EFL1: variants seen among roughly 807,000 people sequenced by gnomAD.
EFL1 encodes the protein elongation factor-like GTPase 1.
In EFL1, 76 loss-of-function variants were observed where a neutral mutation model predicts 126.7. The ratio of observed to expected loss-of-function variants is 0.60; its 90% confidence interval spans 0.50 to 0.73. The LOEUF (loss-of-function observed/expected upper bound fraction) is 0.73, where lower values mean the gene tolerates loss of function less well. Ranked by LOEUF, EFL1 falls within the 30% of genes least tolerant of loss-of-function variation. The pLI is 0.00. For synonymous variants in EFL1, 410 were observed against 448.4 expected (o/e 0.91, Z 1.08); for missense variants, 1,128 against 1,343.2 (o/e 0.84, Z 2.50).
At chr15:82,234,382 G>C (rs867371831) in intron 7 of EFL1, among the ~76,000 whole-genome samples, 2 of 152,132 alleles carry the variant, frequency 1.3e-5, no homozygotes, top group African/African-American at 4.8e-5. Flanking sequence ...GGCCTAGAAA[G>C]GTGATAATGA....
At chr15:82,217,188 C>G (rs1488352806) in intron 14 of EFL1, among the ~76,000 whole-genome samples, 2 of 151,932 alleles carry the variant, frequency 1.3e-5, no homozygotes, top group African/African-American at 4.8e-5. Flanking sequence ...TGTGGAACAA[C>G]TGTAACTGTT....
intron 19 of EFL1, among the ~76,000 whole-genome samples, chr15:82,132,378 C>T (rs139422763): frequency 1.2e-4 from 19 of 152,196 alleles, no homozygotes; most frequent in African/African-American, 1.4e-4. Context: ...TGAGCCTACA[C>T]GTCTTTATCT....
At chr15:82,175,601 G>A (rs901508961) in intron 15 of EFL1, among the ~76,000 whole-genome samples, 1 of 152,022 alleles carries the variant, frequency 6.6e-6, no homozygotes, top group African/African-American at 2.4e-5. Flanking sequence ...GTATTGGCCG[G>A]GTGCAGTGGC....
At position 82,200,724 on chromosome 15, in the gene EFL1, G is replaced by A. The variant is rs150642831; in HGVS notation, c.1750+13993C>T. Among the ~76,000 whole-genome samples the A allele has an allele frequency of 7.0e-3, 1,071 of 152,170 alleles. 14 individuals carry two copies. Among genetic ancestry groups the A allele is most frequent in the African/African-American group, 0.024 (1,017 of 41,512 alleles). On this transcript the variant is annotated intron_variant, in intron 15 of 19. Coordinates refer to ENST00000268206, the MANE Select transcript of EFL1 (RefSeq NM_024580.6). ...CTTGGCTCTGGGAGTTGAATAATCC[G>A]AACACATTAAAACATCACTACTCTG...
rs773373741 is a variant in EFL1 at position 82,228,246 on chromosome 15, T to G, written c.1014A>C (p.Lys338Asn). ...GAREARHSDP[K>N]VQINAICSQW... Reference sequence around the variant, plus strand: ...GACTGCAAATGGCGTTGATCTGAACTTTAGGGTCTGAATGTCGTGCCTCCC... The same window carrying G: ...GACTGCAAATGGCGTTGATCTGAACGTTAGGGTCTGAATGTCGTGCCTCCC... Residue 338 changes from lysine to asparagine, a missense_variant, in exon 10 of 20, where the codon AAA becomes AAC. Around this residue, in one of 6 missense-constraint regions of EFL1, gnomAD observed 316 missense variants for 318.5 expected, o/e 0.99. Transcript: ENST00000268206. 23 of 1,613,994 alleles carry G rather than the reference T, an allele frequency of 1.4e-5. No individual in the cohort carries two copies. The South Asian group carries it at 2.4e-4, about 17-fold the overall frequency.
chr15:82,251,284 A>C (rs1443711070), intron 4 of EFL1, among the ~76,000 whole-genome samples: 8 of 152,236 alleles, frequency 5.3e-5, no homozygotes, highest in African/African-American at 1.7e-4. Context: ...ACAGAGCTCG[A>C]TAAAATAGAG....
At chr15:82,244,990 CTGACAACAAAAA>C (rs1392272146) in intron 4 of EFL1, among the ~76,000 whole-genome samples, 4 of 152,046 alleles carry the variant, frequency 2.6e-5, no homozygotes, top group Non-Finnish European at 4.4e-5. Flanking sequence ...AGTATTTTGC[CTGACAACAAAAA>C]TAACAGAAAT....
chr15:82,173,073 G>T (rs2074153766), intron 15 of EFL1, among the ~76,000 whole-genome samples: 2 of 152,110 alleles, frequency 1.3e-5, no homozygotes, highest in Non-Finnish European at 1.5e-5. Flanking sequence ...GGAAAAAAAT[G>T]TTCAAAAGTA....
chr15:82,195,862 C>T (rs757077144), intron 15 of EFL1, among the ~76,000 whole-genome samples: 5 of 151,984 alleles, frequency 3.3e-5, no homozygotes, highest in Admixed American at 6.5e-5. Context: ...CCAGGAGCTC[C>T]GAGACACTAA....
intron 12 of EFL1, 36 bp downstream of exon 12, chr15:82,225,129 A>G (rs181772306): frequency 2.0e-6 from 3 of 1,525,596 alleles, no homozygotes; most frequent in Non-Finnish European, 9.0e-7. Flanking sequence ...CATACACCAT[A>G]TTCCTAGCCC....
chr15:82,252,743 C>G lies in EFL1; in HGVS notation c.192G>C (p.Gln64His). Residue 64 changes from glutamine to histidine, a missense_variant, in exon 4 of 20, where the codon CAG (glutamine) becomes CAC (histidine). Physicochemically the swap from Gln to His is conservative, Grantham distance 24 (BLOSUM62 0). Transcript: ENST00000268206. ...LRYMDSREDE[Q>H]IRGITMKSSA... is the part of the protein sequence containing the mutation. ...TGGATTTCATAGTGATCCCTCGGAT[C>G]TGTTCATCTTCTCTGCTGTCCATGT... 1 of 1,612,052 alleles carries G rather than the reference C, an allele frequency of 6.2e-7. No individual in the cohort carries two copies. The highest frequency in any genetic ancestry group is 2.2e-5 in the East Asian group (1 of 44,872).
At chr15:82,141,870 AATTG>A (rs1156247883) in intron 18 of EFL1, among the ~76,000 whole-genome samples, 1 of 152,164 alleles carries the variant, frequency 6.6e-6, no homozygotes, top group African/African-American at 2.4e-5. Flanking sequence ...TTAGATCAAT[AATTG>A]TAATTGAAAC....
At chr15:82,183,164 A>G (rs1025574259) in intron 15 of EFL1, among the ~76,000 whole-genome samples, 6 of 152,220 alleles carry the variant, frequency 3.9e-5, no homozygotes, top group African/African-American at 1.4e-4. Flanking sequence ...CTGGCTATAT[A>G]CTCAGCGGCA....
At chr15:82,180,378 AAAAAACAAAC>A (rs1567052933) in intron 15 of EFL1, among the ~76,000 whole-genome samples, 55 of 129,962 alleles carry the variant, frequency 4.2e-4, no homozygotes, top group African/African-American at 1.6e-3. Context: ...AAAAACAAAA[AAAAAACAAAC>A]AAAAAAAACC....
intron 15 of EFL1, among the ~76,000 whole-genome samples, chr15:82,191,461 A>G (rs1389518772): frequency 6.6e-6 from 1 of 152,188 alleles, no homozygotes; most frequent in African/African-American, 2.4e-5. Flanking sequence ...ATCAAATACT[A>G]TAGATAAAAG....
intron 7 of EFL1, among the ~76,000 whole-genome samples, chr15:82,236,992 A>T (rs1212606931): frequency 6.6e-6 from 1 of 152,090 alleles, no homozygotes. Flanking sequence ...GAAACACAAA[A>T]ATTAGCTGGC....
At position 82,252,694 on chromosome 15, in the gene EFL1, T is replaced by C. The variant is rs753130900; in HGVS notation, c.241A>G (p.Thr81Ala). The C allele has an allele frequency of 1.9e-6, 3 of 1,611,688 alleles. No homozygotes were observed. The highest frequency in any genetic ancestry group is 2.2e-5 in the East Asian group (1 of 44,862). The change falls in exon 4 of 20, where the codon ACA (threonine) becomes GCA (alanine). Residue 81 changes from threonine (T) to alanine (A), a missense_variant. By Grantham distance (58) the Thr-to-Ala change is moderately conservative. This residue lies in a region of EFL1 where 118 missense variants were observed against 188.1 expected (regional missense o/e 0.63). Coordinates refer to ENST00000268206, the MANE Select transcript of EFL1 (RefSeq NM_024580.6). The stretch of plus-strand genomic sequence containing the variant: ...GTTAAAACACAGACTGATTTACCTG[T>C]TGCATAATGTAGGGAAATGGCACTG... ...KSSAISLHYATGNEEYLINLI... is the reference protein window; with the variant it reads ...KSSAISLHYAAGNEEYLINLI...
At chr15:82,216,901 G>A (rs2074653326) in intron 14 of EFL1, among the ~76,000 whole-genome samples, 1 of 151,962 alleles carries the variant, frequency 6.6e-6, no homozygotes, top group African/African-American at 2.4e-5. Context: ...CTACACTGGA[G>A]AAGAAATTTG....
At position 82,230,888 on chromosome 15, in the gene EFL1, T is replaced by A. The variant is rs774987651; in HGVS notation, c.815A>T (p.Tyr272Phe). 6.2e-7 allele frequency: 1 copy of A among 1,613,296 alleles called. No individual in the cohort carries two copies. Among genetic ancestry groups the A allele is most frequent in the South Asian group, 1.1e-5 (1 of 90,914 alleles). ...VLMKTLWGDY[Y>F]INMKAKKIMK... ...GATCTTTTTAGCCTTCATATTTATA[T>A]AGTAATCTCCCCACAAGGTTTTCAT... The change falls in exon 8 of 20, where the codon TAT (tyrosine) becomes TTT (phenylalanine). Residue 272 changes from tyrosine to phenylalanine, a missense_variant. Physicochemically the swap from Tyr to Phe is conservative, Grantham distance 22. Around this residue, in one of 6 missense-constraint regions of EFL1, gnomAD observed 316 missense variants for 318.5 expected, o/e 0.99. Transcript: ENST00000268206.
Sources: gnomAD v4.1 joint callset for allele counts (sites outside exome capture counted in the v4.1 genomes callset) on GRCh38, gnomAD v4.1.1 for gene constraint, gnomAD v4.1.1 regional missense constraint, MANE v1.5 for transcripts, NCBI Gene and HGNC (gene_info 2026-07-23, HGNC 2026-07-21) for gene names.